Variants in FEZ2 observed in about 807,000 individuals in gnomAD.
FEZ2 encodes the protein fasciculation and elongation protein zeta 2.
FEZ2 carries 51 observed loss-of-function variants against 40.4 expected under a neutral mutation model. The observed-to-expected ratio is 1.26, with a 90% CI of 1.01 to 1.59. FEZ2 has a LOEUF of 1.59. FEZ2 is among the 40% of genes most tolerant of loss of function. FEZ2 has a pLI of 0.00. For synonymous variants in FEZ2, 242 were observed against 172.0 expected (o/e 1.41, Z -3.18); for missense variants, 640 against 438.3 (o/e 1.46, Z -4.11).
rs759223063 is a variant in FEZ2 at position 36,583,447 on chromosome 2, T to G, written c.398A>C (p.Asp133Ala). Reference protein sequence around the residue: ...EKGVSDSLLFDTSDDEELREQ... With the variant: ...EKGVSDSLLFATSDDEELREQ... ...TCTCAGCTCTTCATCATCTGATGTA[T>G]CAAAGAGCAAACTGTCACTTACCTA... is the stretch of plus-strand genomic sequence containing the variant. The change falls in exon 3 of 8, where the codon GAT becomes GCT. Residue 133 changes from aspartate to alanine, a missense_variant. Coordinates refer to ENST00000405912, the MANE Select transcript of FEZ2 (RefSeq NM_005102.3). 5.0e-6 allele frequency: 8 copies of G among 1,591,350 alleles called. No individual in the cohort carries two copies. The highest frequency in any genetic ancestry group is 1.7e-5 in the Admixed American group (1 of 59,966).
intron 1 of FEZ2, among the ~76,000 whole-genome samples, chr2:36,597,568 GGAGGTGCC>G (rs2148356079): frequency 1.0e-5 from 1 of 99,456 alleles, no homozygotes; most frequent in East Asian, 3.8e-4. Flanking sequence ...AGGTGCCCCA[GGAGGTGCC>G]GTCTCTAACT....
At position 36,578,696 on chromosome 2, in the gene FEZ2, G is replaced by A. The variant is rs754102790; in HGVS notation, c.804C>T (p.Asn268=). The A allele has an allele frequency of 6.2e-7, 1 of 1,613,450 alleles. No homozygotes were observed. The highest frequency in any genetic ancestry group is 1.7e-5 in the Admixed American group (1 of 59,926). ...CTGTTTCTTTGTGCTCTTTCTGTTT[G>A]TTTTGCACTTCAATAAGAACAGAAA... The part of the protein sequence containing the change: ...SFISVLIEVQ[N]KQKEHKETAK... The change falls in exon 5 of 8, where the codon AAC becomes AAT. Residue 268 remains asparagine (N), a synonymous_variant. Transcript: ENST00000405912.
intron 1 of FEZ2, among the ~76,000 whole-genome samples, chr2:36,593,679 C>T (rs1212126493): frequency 6.6e-6 from 1 of 152,034 alleles, no homozygotes; most frequent in African/African-American, 2.4e-5. Flanking sequence ...CTCACGAAAC[C>T]ACTTGTTCCT....
intron 3 of FEZ2, among the ~76,000 whole-genome samples, chr2:36,583,116 T>A (rs1054130052): frequency 6.6e-6 from 1 of 152,218 alleles, no homozygotes; most frequent in South Asian, 2.1e-4. Flanking sequence ...CCTTGGTACC[T>A]TGCTATAATC....
intron 6 of FEZ2, chr2:36,558,048 TAA>T (rs775538869): frequency 6.5e-6 from 1 of 154,554 alleles, no homozygotes; most frequent in African/African-American, 2.4e-5. Context: ...TCATAAGAAA[TAA>T]AAAGTGTTTA....
chr2:36,592,152 G>GA (rs1478073272), intron 1 of FEZ2, among the ~76,000 whole-genome samples: 7 of 152,052 alleles, frequency 4.6e-5, no homozygotes, highest in Non-Finnish European at 7.4e-5. Context: ...ATGTCATGTA[G>GA]AAAAAAACAC....
At chr2:36,565,521 TG>T (rs1435642266) in intron 5 of FEZ2, among the ~76,000 whole-genome samples, 2 of 152,118 alleles carry the variant, frequency 1.3e-5, no homozygotes, top group Non-Finnish European at 2.9e-5. Flanking sequence ...TGTCCCTAAC[TG>T]TCCCCTCCAA....
rs769737185 is a variant in FEZ2 at position 36,555,731 on chromosome 2, CCTT to C, written c.994_996del (p.Lys332del). The C allele has an allele frequency of 1.3e-6, 2 of 1,591,450 alleles. No homozygotes were observed. The highest frequency in any genetic ancestry group is 1.7e-6 in the Non-Finnish European group (2 of 1,169,850). On this transcript the variant is annotated inframe_deletion, in exon 7 of 8. Coordinates refer to ENST00000405912, the MANE Select transcript of FEZ2 (RefSeq NM_005102.3). ...AAGCTCGGAACTTTTTCACTGTCCT[CCTT>C]CATGGCACGAAGAACTGCAAAATAG...
chr2:36,556,692 T>A (rs1572998469), intron 6 of FEZ2: 1 of 152,294 alleles, frequency 6.6e-6, no homozygotes, highest in Non-Finnish European at 1.5e-5. Flanking sequence ...TCTCAAAGGT[T>A]TGTTATGAGG....
chr2:36,556,882 C>T (rs1362902577), intron 6 of FEZ2: 2 of 152,200 alleles, frequency 1.3e-5, no homozygotes, highest in African/African-American at 4.8e-5. Context: ...AACACTGTGA[C>T]TGTCTCCACA....
chr2:36,592,531 C>A (rs540914890), intron 1 of FEZ2, among the ~76,000 whole-genome samples: 2 of 151,870 alleles, frequency 1.3e-5, no homozygotes, highest in Non-Finnish European at 2.9e-5. Context: ...TAGGGATGGG[C>A]CTGGTGGCTC....
chr2:36,576,607 C>A (rs1240923377), intron 5 of FEZ2, among the ~76,000 whole-genome samples: 1 of 152,218 alleles, frequency 6.6e-6, no homozygotes, highest in African/African-American at 2.4e-5. Context: ...GAAACTAGTA[C>A]TGCAAGCTTA....
chr2:36,594,559 A>C (rs1669158629), intron 1 of FEZ2: 1 of 162,504 alleles, frequency 6.2e-6, no homozygotes, highest in South Asian at 1.8e-4. Context: ...ATTCACTATC[A>C]TGAGAATAGC....
At chr2:36,578,944 G>A in intron 4 of FEZ2, 79 bp from the exon 5 acceptor site, 1 of 1,215,518 alleles carries the variant, frequency 8.2e-7, no homozygotes, top group East Asian at 2.3e-5. Context: ...CACTAGGAAT[G>A]ACTAAATAAA....
At chr2:36,576,065 T>C (rs552030141) in intron 5 of FEZ2, among the ~76,000 whole-genome samples, 1 of 152,290 alleles carries the variant, frequency 6.6e-6, no homozygotes, top group Non-Finnish European at 1.5e-5. Context: ...TCACTGATAA[T>C]AGCAAACTCA....
chr2:36,559,323 A>G (rs1668032373), intron 5 of FEZ2: 1 of 152,126 alleles, frequency 6.6e-6, no homozygotes, highest in Non-Finnish European at 1.5e-5. Context: ...CCCACCAAAA[A>G]AATAGTTCCG....
At chr2:36,591,080 G>A (rs1669059381) in intron 1 of FEZ2, 69 bp from the exon 2 acceptor site, 5 of 938,336 alleles carry the variant, frequency 5.3e-6, no homozygotes, top group Admixed American at 2.0e-5. Context: ...CAAATATTCA[G>A]TGAAAGATGA....
chr2:36,579,026 C>G, intron 4 of FEZ2, 161 bp from the exon 5 acceptor site: 1 of 620,466 alleles, frequency 1.6e-6, no homozygotes, highest in Non-Finnish European at 2.8e-6. Flanking sequence ...GTGATCTTCT[C>G]AGAATTCTAC....
intron 4 of FEZ2, among the ~76,000 whole-genome samples, chr2:36,579,707 G>A (rs1195077871): frequency 1.3e-5 from 2 of 152,032 alleles, no homozygotes; most frequent in Non-Finnish European, 2.9e-5. Flanking sequence ...ACCTCTTTTC[G>A]TATAAATTAC....
Sources: gnomAD v4.1 joint callset for allele counts (sites outside exome capture counted in the v4.1 genomes callset) on GRCh38, gnomAD v4.1.1 for gene constraint, MANE v1.5 for transcripts, NCBI Gene and HGNC (gene_info 2026-07-23, HGNC 2026-07-21) for gene names.